Variants in TAFA1 observed in about 807,000 individuals in gnomAD.
The protein encoded by TAFA1 is TAFA chemokine like family member 1.
A neutral mutation model predicts 18.5 loss-of-function variants in TAFA1; 4 were observed. The observed-to-expected ratio is 0.22, with a 90% CI of 0.11 to 0.49. The LOEUF (loss-of-function observed/expected upper bound fraction) is 0.49, where lower values mean the gene tolerates loss of function less well. Ranked by LOEUF, TAFA1 falls within the 20% of genes least tolerant of loss-of-function variation. TAFA1 has a pLI of 0.98. For missense variants in TAFA1, 147 were observed against 169.0 expected (o/e 0.87, Z 0.72); for synonymous variants, 56 against 55.2 (o/e 1.01, Z -0.06).
At chr3:68,152,718 T>A (rs886511904) in intron 2 of TAFA1, among the ~76,000 whole-genome samples, 2 of 152,150 alleles carry the variant, frequency 1.3e-5, no homozygotes, top group Non-Finnish European at 2.9e-5. Flanking sequence ...TATTCTTAAG[T>A]AGCACTTCCA....
intron 2 of TAFA1, among the ~76,000 whole-genome samples, chr3:68,190,651 T>C (rs1324269918): frequency 1.3e-5 from 2 of 151,786 alleles, no homozygotes; most frequent in Non-Finnish European, 2.9e-5. Context: ...TGCTGCACAT[T>C]AAATTTGAGA....
intron 2 of TAFA1, among the ~76,000 whole-genome samples, chr3:68,150,976 T>G (rs1044874271): frequency 6.6e-6 from 1 of 151,944 alleles, no homozygotes; most frequent in Non-Finnish European, 1.5e-5. Context: ...TTTCCTCAAT[T>G]TATACACTAG....
intron 2 of TAFA1, among the ~76,000 whole-genome samples, chr3:68,248,980 C>G (rs2067139200): frequency 6.6e-6 from 1 of 152,066 alleles, no homozygotes; most frequent in African/African-American, 2.4e-5. Flanking sequence ...CCACAGAACT[C>G]TCTTCACGGT....
chr3:68,035,036 A>T (rs1705016486), intron 2 of TAFA1, among the ~76,000 whole-genome samples: 1 of 152,136 alleles, frequency 6.6e-6, no homozygotes, highest in Non-Finnish European at 1.5e-5. Context: ...CTGCTCATCC[A>T]GTGGACTTTT....
At chr3:68,035,772 A>T (rs1705034103) in intron 2 of TAFA1, among the ~76,000 whole-genome samples, 1 of 152,170 alleles carries the variant, frequency 6.6e-6, no homozygotes, top group African/African-American at 2.4e-5. Flanking sequence ...AACTGAAGAC[A>T]CTCCAAATGT....
At chr3:68,527,018 T>C (rs1407435186) in intron 3 of TAFA1, among the ~76,000 whole-genome samples, 1 of 152,200 alleles carries the variant, frequency 6.6e-6, no homozygotes, top group Non-Finnish European at 1.5e-5. Flanking sequence ...ACAAGGTATA[T>C]ACAGTAAGAC....
At chr3:68,008,287 T>G (rs1704403855) in intron 2 of TAFA1, among the ~76,000 whole-genome samples, 1 of 152,248 alleles carries the variant, frequency 6.6e-6, no homozygotes, top group Admixed American at 6.5e-5. Context: ...AGATTCCCAC[T>G]TTACCTCCAA....
At chr3:68,117,242 A>G (rs2065335349) in intron 2 of TAFA1, among the ~76,000 whole-genome samples, 1 of 152,174 alleles carries the variant, frequency 6.6e-6, no homozygotes, top group Non-Finnish European at 1.5e-5. Context: ...TGGTTATGCT[A>G]AAGTACAATG....
At chr3:68,407,822 C>T (rs1000122835) in intron 2 of TAFA1, among the ~76,000 whole-genome samples, 1 of 152,104 alleles carries the variant, frequency 6.6e-6, no homozygotes, top group African/African-American at 2.4e-5. Flanking sequence ...TTTTCCTTTA[C>T]ATACCCGAGG....
intron 2 of TAFA1, among the ~76,000 whole-genome samples, chr3:68,314,537 T>C (rs2068575073): frequency 6.6e-6 from 1 of 152,218 alleles, no homozygotes; most frequent in South Asian, 2.1e-4. Flanking sequence ...TTTGATGGGA[T>C]TGCTTTTTGA....
intron 2 of TAFA1, among the ~76,000 whole-genome samples, chr3:68,233,968 C>G (rs1178148909): frequency 6.6e-6 from 1 of 152,132 alleles, no homozygotes; most frequent in Non-Finnish European, 1.5e-5. Flanking sequence ...AAGACCGAAA[C>G]TGGCAGAAAA....
At chr3:68,339,778 C>T (rs762392221) in intron 2 of TAFA1, among the ~76,000 whole-genome samples, 9 of 152,106 alleles carry the variant, frequency 5.9e-5, no homozygotes, top group Non-Finnish European at 1.2e-4. Flanking sequence ...ACTAGGCCAG[C>T]CTCTAATCAG....
intron 3 of TAFA1, among the ~76,000 whole-genome samples, chr3:68,425,941 G>T (rs911745882): frequency 6.6e-6 from 1 of 151,870 alleles, no homozygotes; most frequent in Non-Finnish European, 1.5e-5. Context: ...GCTCTGACAG[G>T]TTGATGTTCC....
intron 2 of TAFA1, among the ~76,000 whole-genome samples, chr3:68,132,780 T>G (rs899417159): frequency 2.0e-5 from 3 of 152,208 alleles, no homozygotes; most frequent in Non-Finnish European, 2.9e-5. Context: ...ATATTAGCCC[T>G]TTTTCTGATG....
chr3:68,493,017 C>T (rs2072481111), intron 3 of TAFA1, among the ~76,000 whole-genome samples: 1 of 152,082 alleles, frequency 6.6e-6, no homozygotes, highest in Non-Finnish European at 1.5e-5. Context: ...ATAGTACTTA[C>T]CATCTTAGCC....
intron 2 of TAFA1, among the ~76,000 whole-genome samples, chr3:68,275,712 T>G (rs900256151): frequency 2.6e-5 from 4 of 152,012 alleles, no homozygotes; most frequent in African/African-American, 9.7e-5. Flanking sequence ...AGAAGAGATC[T>G]GAAGAAAGAG....
chr3:68,526,229 T>G (rs768422403), intron 3 of TAFA1, among the ~76,000 whole-genome samples: 1 of 152,156 alleles, frequency 6.6e-6, no homozygotes, highest in African/African-American at 2.4e-5. Context: ...TTTAATCTAA[T>G]CCATTTAGAA....
chr3:68,421,239 TG>T (rs1158525453), intron 3 of TAFA1, among the ~76,000 whole-genome samples: 1 of 152,176 alleles, frequency 6.6e-6, no homozygotes, highest in Admixed American at 6.6e-5. Context: ...TTGGTGTGGT[TG>T]GTTCAAACAA....
intron 3 of TAFA1, among the ~76,000 whole-genome samples, chr3:68,517,147 GTCT>G (rs1428934036): frequency 1.3e-5 from 2 of 152,066 alleles, no homozygotes; most frequent in African/African-American, 4.8e-5. Flanking sequence ...GTATTATCAT[GTCT>G]TCAACACCTC....
Sources: gnomAD v4.1 joint callset for allele counts (sites outside exome capture counted in the v4.1 genomes callset) on GRCh38, gnomAD v4.1.1 for gene constraint, MANE v1.5 for transcripts, NCBI Gene and HGNC (gene_info 2026-07-23, HGNC 2026-07-21) for gene names.